The following COA1 variants were observed in gnomAD, a reference collection of about 807,000 sequenced individuals.
COA1 encodes cytochrome c oxidase assembly factor 1.
A neutral mutation model predicts 16.0 loss-of-function variants in COA1; 13 were observed. That is an observed-to-expected ratio of 0.81 (90% confidence interval 0.53 to 1.29). The LOEUF (loss-of-function observed/expected upper bound fraction) is 1.29. COA1 is among the 50% of genes most tolerant of loss of function. COA1 has a pLI of 0.00. For synonymous variants in COA1, 65 were observed against 65.7 expected (o/e 0.99, Z 0.05); for missense variants, 179 against 177.0 (o/e 1.01, Z -0.06).
chr7:43,673,959 C>CA (rs34560720), intron 1 of COA1, among the ~76,000 whole-genome samples: 22,146 of 151,930 alleles, frequency 0.15, 2,182 homozygotes, highest in Non-Finnish European at 0.21. Context: ...TGTATAGACA[C>CA]AAAGAAAGGC....
intron 1 of COA1, among the ~76,000 whole-genome samples, chr7:43,713,747 G>A (rs545582131): frequency 2.2e-4 from 34 of 152,082 alleles, no homozygotes; most frequent in African/African-American, 7.5e-4. Flanking sequence ...GATTAAGACT[G>A]GGGGTCTAGA....
intron 1 of COA1, among the ~76,000 whole-genome samples, chr7:43,696,120 T>C (rs114754165): frequency 0.014 from 2,103 of 152,336 alleles, 37 homozygotes; most frequent in African/African-American, 0.048. Context: ...GATTAAGGTA[T>C]GAGCCACCGC....
At chr7:43,671,483 A>C (rs1380594825) in intron 1 of COA1, among the ~76,000 whole-genome samples, 1 of 152,190 alleles carries the variant, frequency 6.6e-6, no homozygotes, top group Non-Finnish European at 1.5e-5. Context: ...GGCCACGAAA[A>C]AATAAAGAAG....
At chr7:43,648,743 G>C in intron 1 of COA1, 91 bp from the exon 2 acceptor site, 1 of 863,450 alleles carries the variant, frequency 1.2e-6, no homozygotes, top group Non-Finnish European at 1.8e-6. Flanking sequence ...ACCAACCCAA[G>C]CTTTAGAACA....
intron 1 of COA1, among the ~76,000 whole-genome samples, chr7:43,653,793 T>C (rs2091282890): frequency 6.6e-6 from 1 of 152,060 alleles, no homozygotes; most frequent in Non-Finnish European, 1.5e-5. Context: ...ACTCATCCCA[T>C]GAAGACCAAG....
At chr7:43,712,866 G>C (rs1246478338) in intron 1 of COA1, among the ~76,000 whole-genome samples, 3 of 151,788 alleles carry the variant, frequency 2.0e-5, no homozygotes, top group African/African-American at 7.3e-5. Context: ...TTTCTAGCTG[G>C]ACTTTTTTTT....
intron 3 of COA1, chr7:43,646,776 G>C: frequency 2.8e-6 from 1 of 351,776 alleles, no homozygotes; most frequent in South Asian, 2.1e-5. Context: ...GGATGGTGCA[G>C]AAAGGCTGGA....
chr7:43,661,809 A>G (rs950014097), intron 1 of COA1, among the ~76,000 whole-genome samples: 6 of 152,172 alleles, frequency 3.9e-5, no homozygotes, highest in Non-Finnish European at 8.8e-5. Context: ...AAAAACACTA[A>G]TATGTTACTT....
chr7:43,630,054 G>C (rs2085011533), intron 6 of COA1, among the ~76,000 whole-genome samples: 1 of 152,160 alleles, frequency 6.6e-6, no homozygotes, highest in Non-Finnish European at 1.5e-5. Context: ...ACACCTGTGT[G>C]TTTACATTTT....
chr7:43,653,079 G>A lies in COA1; in HGVS notation c.-38-4427C>T, dbSNP rs373672175. 3.4e-4 allele frequency among the ~76,000 whole-genome samples: 52 copies of A among 152,280 alleles called. 1 individual carries two copies. In the South Asian group the frequency reaches 3.7e-3, roughly 11 times the overall value. On this transcript the variant is annotated intron_variant, in intron 1 of 5. Coordinates refer to ENST00000223336, the MANE Select transcript of COA1 (RefSeq NM_018224.4). ...TGTAATCCCAGCACTTTGGGAGGCC[G>A]AGGCGGGTGGATCACGAGGTCAGGA...
intron 1 of COA1, among the ~76,000 whole-genome samples, chr7:43,681,097 A>G (rs1341875737): frequency 6.6e-6 from 1 of 152,116 alleles, no homozygotes; most frequent in Non-Finnish European, 1.5e-5. Context: ...TGTCTTCAGT[A>G]TCTGTCATTT....
intron 1 of COA1, among the ~76,000 whole-genome samples, chr7:43,726,787 T>C (rs2095625567): frequency 6.6e-6 from 1 of 152,182 alleles, no homozygotes; most frequent in South Asian, 2.1e-4. Flanking sequence ...CTATCACATA[T>C]CTGATAAATG....
intron 1 of COA1, among the ~76,000 whole-genome samples, chr7:43,694,801 C>T (rs1056287654): frequency 6.6e-6 from 1 of 152,170 alleles, no homozygotes; most frequent in African/African-American, 2.4e-5. Context: ...TCTTTGTATT[C>T]CAGGCTCATG....
At chr7:43,621,987 T>C (rs2083942920) in intron 6 of COA1, among the ~76,000 whole-genome samples, 1 of 152,154 alleles carries the variant, frequency 6.6e-6, no homozygotes, top group Non-Finnish European at 1.5e-5. Context: ...AATCTCTTTA[T>C]ACCTCAGATT....
At chr7:43,629,845 A>G (rs537869719) in intron 6 of COA1, among the ~76,000 whole-genome samples, 8 of 152,234 alleles carry the variant, frequency 5.3e-5, no homozygotes, top group Non-Finnish European at 1.2e-4. Context: ...ACTGCTCGTC[A>G]AGAACTTTTA....
intron 6 of COA1, chr7:43,619,583 G>C (rs6950861): frequency 6.2e-7 from 1 of 1,609,930 alleles, no homozygotes; most frequent in South Asian, 1.1e-5. Context: ...TTGCGGGGGT[G>C]TATTTTCTTT....
At chr7:43,720,960 G>A (rs1429416709) in intron 1 of COA1, among the ~76,000 whole-genome samples, 1 of 152,138 alleles carries the variant, frequency 6.6e-6, no homozygotes, top group Non-Finnish European at 1.5e-5. Flanking sequence ...TTTCTTCCAT[G>A]GCTGCTCCAT....
At chr7:43,693,680 C>A (rs1237527727) in intron 1 of COA1, among the ~76,000 whole-genome samples, 1 of 152,164 alleles carries the variant, frequency 6.6e-6, no homozygotes, top group Non-Finnish European at 1.5e-5. Flanking sequence ...GAGTCTAGAT[C>A]CACCGTTAAG....
chr7:43,644,414 T>TA (rs936806424), intron 4 of COA1, among the ~76,000 whole-genome samples: 44 of 152,196 alleles, frequency 2.9e-4, no homozygotes, highest in African/African-American at 1.0e-3. Flanking sequence ...AAGTTATAGC[T>TA]AAAAAAATGG....
Sources: allele counts gnomAD v4.1 joint callset (sites outside exome capture counted in the v4.1 genomes callset), GRCh38; gene constraint gnomAD v4.1.1; transcripts MANE v1.5; gene names NCBI Gene and HGNC (gene_info 2026-07-23, HGNC 2026-07-21).